The following ATP2C1 variants were observed in gnomAD, a reference collection of about 807,000 sequenced individuals.
ATP2C1 encodes the protein ATPase secretory pathway Ca2+ transporting 1.
Under a neutral mutation model 120.5 loss-of-function variants are expected in ATP2C1, and 31 were observed. That is an observed-to-expected ratio of 0.26 (90% CI 0.19 to 0.35). The LOEUF is 0.35. Ranked by LOEUF, ATP2C1 falls within the 10% of genes least tolerant of loss-of-function variation. The probability of loss-of-function intolerance (pLI) is 1.00; values close to 1 mark genes in which losing one functional copy is unlikely to be tolerated. For missense variants in ATP2C1, 731 were observed against 1,107.5 expected (o/e 0.66, Z 4.83); for synonymous variants, 351 against 358.7 (o/e 0.98, Z 0.24).
chr3:130,928,511 G>A (rs2059316010), intron 2 of ATP2C1, among the ~76,000 whole-genome samples: 1 of 152,172 alleles, frequency 6.6e-6, no homozygotes, highest in African/African-American at 2.4e-5. Flanking sequence ...CATATTGCAT[G>A]CTGGGTACTA....
chr3:130,993,124 T>G lies in ATP2C1; in HGVS notation c.1890+123T>G, dbSNP rs199835038. On this transcript the variant is annotated intron_variant, in intron 21 of 27. Transcript: ENST00000510168. ...CAGAAATACTGTGAAGCAAAACAGT[T>G]TTTTTTTTTTGTAAGAGCTTGACAT... 52 of 738,908 alleles carry G rather than the reference T, an allele frequency of 7.0e-5. No individual in the cohort carries two copies. In the East Asian group the frequency reaches 8.6e-4, roughly 12 times the overall value. 45.8% of individuals were successfully genotyped at this position (738,908 alleles called of 1,614,324 possible). A position where few individuals can be genotyped will look rare whatever the true frequency, so the allele number is the denominator to read the frequency against.
intron 1 of ATP2C1, among the ~76,000 whole-genome samples, chr3:130,880,315 T>C (rs532417710): frequency 2.2e-4 from 33 of 152,300 alleles, no homozygotes; most frequent in East Asian, 5.8e-4. Flanking sequence ...GGGAGCTTGA[T>C]TGGGTCAGTT....
At chr3:130,859,957 AG>A (rs1393512831) in intron 1 of ATP2C1, among the ~76,000 whole-genome samples, 1 of 152,274 alleles carries the variant, frequency 6.6e-6, no homozygotes, top group Non-Finnish European at 1.5e-5. Context: ...ACCAATTAAA[AG>A]TTAACAGATC....
intron 1 of ATP2C1, among the ~76,000 whole-genome samples, chr3:130,887,292 C>T (rs1559883644): frequency 6.6e-6 from 1 of 152,202 alleles, no homozygotes; most frequent in Non-Finnish European, 1.5e-5. Flanking sequence ...CAGCACAGCA[C>T]TAGGTCTTGC....
intron 18 of ATP2C1, among the ~76,000 whole-genome samples, chr3:130,978,589 G>A (rs572269629): frequency 2.6e-5 from 4 of 152,148 alleles, no homozygotes; most frequent in South Asian, 2.1e-4. Context: ...ATATGATGGC[G>A]TTATTTACAT....
At chr3:130,945,970 T>TA (rs1342637978) in intron 8 of ATP2C1, among the ~76,000 whole-genome samples, 1 of 151,550 alleles carries the variant, frequency 6.6e-6, no homozygotes, top group Non-Finnish European at 1.5e-5. Flanking sequence ...AGCCGAATAA[T>TA]ACATCGCTTG....
intron 13 of ATP2C1, among the ~76,000 whole-genome samples, chr3:130,964,454 G>A (rs974680810): frequency 6.6e-6 from 1 of 152,006 alleles, no homozygotes; most frequent in Non-Finnish European, 1.5e-5. Flanking sequence ...GAATTTGCCT[G>A]TAAGAACAGT....
chr3:130,920,327 T>C (rs1465153091), intron 2 of ATP2C1, among the ~76,000 whole-genome samples: 1 of 152,242 alleles, frequency 6.6e-6, no homozygotes, highest in Non-Finnish European at 1.5e-5. Context: ...GTCTTAGGTT[T>C]ATTAAATCAT....
At chr3:130,918,104 AG>A in intron 2 of ATP2C1, 1 of 636,070 alleles carries the variant, frequency 1.6e-6, no homozygotes, top group Non-Finnish European at 2.9e-6. Context: ...ATCCGAGTAC[AG>A]GGTAATATAT....
intron 1 of ATP2C1, among the ~76,000 whole-genome samples, chr3:130,883,266 T>C (rs1416535875): frequency 6.6e-6 from 1 of 152,184 alleles, no homozygotes; most frequent in Non-Finnish European, 1.5e-5. Flanking sequence ...TAATGGTTTG[T>C]CAGTTTTGTT....
At chr3:130,857,567 C>T (rs2067881973) in intron 1 of ATP2C1, among the ~76,000 whole-genome samples, 1 of 152,216 alleles carries the variant, frequency 6.6e-6, no homozygotes, top group Non-Finnish European at 1.5e-5. Flanking sequence ...CATTGGTCTC[C>T]CAGTAATCCA....
intron 2 of ATP2C1, among the ~76,000 whole-genome samples, chr3:130,907,079 TACACACACAC>T (rs55687116): frequency 1.3e-5 from 2 of 149,840 alleles, no homozygotes; most frequent in African/African-American, 4.9e-5. Flanking sequence ...TATATGTGTG[TACACACACAC>T]ACACACACAC....
In ATP2C1 at chr3:131,002,046, T is replaced by TG. The variant is rs1464611815; in HGVS notation, c.*698dup. The TG allele has an allele frequency of 6.1e-6, 6 of 985,578 alleles. No individual in the cohort carries two copies. In the East Asian group the frequency reaches 6.8e-4, roughly 112 times the overall value. 61.1% of individuals were successfully genotyped at this position (985,578 alleles called of 1,614,324 possible). On this transcript the variant is annotated 3_prime_UTR_variant, in exon 28 of 28. Coordinates refer to ENST00000510168, the MANE Select transcript of ATP2C1 (RefSeq NM_001378687.1). ...ATTTTAAAAAGGTATGTCTTTGGTT[T>TG]GGCAGAATTCATGCAGGGCTATCAA...
At chr3:130,910,660 G>A (rs1576671737) in intron 2 of ATP2C1, among the ~76,000 whole-genome samples, 1 of 21,306 alleles carries the variant, frequency 4.7e-5, no homozygotes, top group Non-Finnish European at 1.4e-4. Flanking sequence ...AGCATGAAGC[G>A]TTGTTGAATT....
chr3:130,998,293 G>C lies in ATP2C1; in HGVS notation c.2392-1G>C. 1 of 1,603,670 alleles carries C rather than the reference G, an allele frequency of 6.2e-7. No individual in the cohort carries two copies. Among genetic ancestry groups the C allele is most frequent in the Non-Finnish European group, 8.5e-7 (1 of 1,170,550 alleles). On this transcript the variant is annotated splice_acceptor_variant, in intron 25 of 27. Coordinates refer to ENST00000510168, the MANE Select transcript of ATP2C1 (RefSeq NM_001378687.1). LOFTEE classifies it high-confidence loss of function. ...GTAATTTTGTTATTGCCTCTTGACA[G>C]CTACGAGACAATGTGATTACACCTC... is the stretch of plus-strand genomic sequence containing the variant.
intron 13 of ATP2C1, 43 bp from the exon 14 acceptor site, chr3:130,964,905 C>T (rs766525767): frequency 2.0e-5 from 28 of 1,434,790 alleles, no homozygotes; most frequent in Admixed American, 3.4e-5. Context: ...ACCTATATTT[C>T]TCCTTGATTC....
At chr3:130,974,066 T>C (rs1305582394) in intron 17 of ATP2C1, among the ~76,000 whole-genome samples, 1 of 152,182 alleles carries the variant, frequency 6.6e-6, no homozygotes, top group Non-Finnish European at 1.5e-5. Flanking sequence ...TGGTCTCCAG[T>C]AATAATATAG....
Position 130,861,394 on chromosome 3 carries a change from A to T in ATP2C1, c.108+10466A>T, listed in dbSNP as rs557958028. On this transcript the variant is annotated intron_variant, in intron 1 of 26. Coordinates refer to the ATP2C1 transcript ENST00000504381. ...AGCTTGAGAACCCAGAAAGACAGCAATGTAATTTATTCAGAGTCAGAAGGC... is the reference window on the plus strand; with the variant it reads ...AGCTTGAGAACCCAGAAAGACAGCATTGTAATTTATTCAGAGTCAGAAGGC... 2.6e-5 allele frequency among the ~76,000 whole-genome samples: 4 copies of T among 152,336 alleles called. No individual in the cohort carries two copies. The East Asian group carries it at 7.7e-4, about 29-fold the overall frequency.
intron 26 of ATP2C1, among the ~76,000 whole-genome samples, chr3:131,009,219 T>C (rs1315367712): frequency 1.3e-5 from 2 of 152,152 alleles, no homozygotes; most frequent in Non-Finnish European, 2.9e-5. Context: ...TAAACTATCC[T>C]AACAGCTCAG....
Sources: allele counts gnomAD v4.1 joint callset (sites outside exome capture counted in the v4.1 genomes callset), GRCh38; gene constraint gnomAD v4.1.1; transcripts MANE v1.5; gene names NCBI Gene and HGNC (gene_info 2026-07-23, HGNC 2026-07-21).